Variants in LHFPL3 observed in about 807,000 individuals in gnomAD.
The protein encoded by LHFPL3 is LHFPL tetraspan subfamily member 3, also known as LHFPL tetraspan subfamily member 3 protein.
LHFPL3 carries 5 observed loss-of-function variants against 19.3 expected under a neutral mutation model. That is an observed-to-expected ratio of 0.26 (90% CI 0.14 to 0.54). The LOEUF is 0.54. Ranked by LOEUF, LHFPL3 falls within the 20% of genes least tolerant of loss-of-function variation. LHFPL3 has a pLI of 0.94. For missense variants in LHFPL3, 249 were observed against 307.4 expected (o/e 0.81, Z 1.42); for synonymous variants, 133 against 126.2 (o/e 1.05, Z -0.36).
intron 1 of LHFPL3, among the ~76,000 whole-genome samples, chr7:104,386,782 G>A (rs1790953265): frequency 6.6e-6 from 1 of 152,018 alleles, no homozygotes; most frequent in Non-Finnish European, 1.5e-5. Flanking sequence ...GATTTCCATG[G>A]GTGTAAATAA....
intron 1 of LHFPL3, among the ~76,000 whole-genome samples, chr7:104,418,742 G>A (rs1397829759): frequency 6.6e-6 from 1 of 152,190 alleles, no homozygotes; most frequent in Non-Finnish European, 1.5e-5. Context: ...AGCCTTCAAG[G>A]ATAGGTGTGA....
intron 2 of LHFPL3, among the ~76,000 whole-genome samples, chr7:104,852,309 G>C (rs1313607933): frequency 6.6e-6 from 1 of 152,248 alleles, no homozygotes; most frequent in Non-Finnish European, 1.5e-5. Flanking sequence ...CAAATGATTT[G>C]AATTTTAAAC....
At chr7:104,902,428 G>A (rs1792505747) in intron 2 of LHFPL3, among the ~76,000 whole-genome samples, 2 of 151,708 alleles carry the variant, frequency 1.3e-5, no homozygotes, top group African/African-American at 2.4e-5. Context: ...GGAGAAGGAG[G>A]AGGAGGAGGA....
At chr7:104,382,830 G>A (rs1790855502) in intron 1 of LHFPL3, among the ~76,000 whole-genome samples, 1 of 152,212 alleles carries the variant, frequency 6.6e-6, no homozygotes, top group African/African-American at 2.4e-5. Context: ...CAGGGCTCTG[G>A]CACTCACCTG....
chr7:104,836,861 T>A (rs1213403836), intron 2 of LHFPL3, among the ~76,000 whole-genome samples: 1 of 152,224 alleles, frequency 6.6e-6, no homozygotes, highest in Non-Finnish European at 1.5e-5. Context: ...GCTTGTAGGA[T>A]GTCAGTTTAT....
At chr7:104,484,056 A>G (rs1679795295) in intron 1 of LHFPL3, among the ~76,000 whole-genome samples, 1 of 152,198 alleles carries the variant, frequency 6.6e-6, no homozygotes, top group African/African-American at 2.4e-5. Context: ...CAATTATAAT[A>G]TTCCTGGGGA....
chr7:104,608,552 C>G (rs971485500), intron 1 of LHFPL3, among the ~76,000 whole-genome samples: 1 of 150,456 alleles, frequency 6.6e-6, no homozygotes, highest in South Asian at 2.1e-4. Context: ...TGCTAAATGA[C>G]GAGTTAATGG....
rs553097510 is a variant in LHFPL3, at chr7:104,890,894, C to G, written c.683-15293C>G. ...CTGATGAGAATAGACAGAACCACAG[C>G]ACCATGAAGCCCACCAGCAGCGCCC... On this transcript the variant is annotated intron_variant, in intron 2 of 2. Transcript: ENST00000424859. 2.0e-5 allele frequency among the ~76,000 whole-genome samples: 3 copies of G among 152,288 alleles called. No homozygotes were observed. The South Asian group carries it at 6.2e-4, about 32-fold the overall frequency.
chr7:104,510,068 G>A (rs369683808), intron 1 of LHFPL3, among the ~76,000 whole-genome samples: 2 of 151,832 alleles, frequency 1.3e-5, no homozygotes, highest in African/African-American at 4.8e-5. Flanking sequence ...ACCAAATAAT[G>A]CTGATGAGTG....
chr7:104,345,740 G>GT (rs1449150831), intron 1 of LHFPL3, among the ~76,000 whole-genome samples: 1 of 151,880 alleles, frequency 6.6e-6, no homozygotes, highest in Non-Finnish European at 1.5e-5. Flanking sequence ...GTTATGTGAT[G>GT]TAAACATAAT....
At chr7:104,855,354 A>T (rs1160990236) in intron 2 of LHFPL3, among the ~76,000 whole-genome samples, 4 of 152,176 alleles carry the variant, frequency 2.6e-5, no homozygotes, top group Non-Finnish European at 5.9e-5. Flanking sequence ...TTTTCCAGTG[A>T]TATACTTTTA....
At chr7:104,390,699 A>G (rs1298002433) in intron 1 of LHFPL3, among the ~76,000 whole-genome samples, 1 of 152,244 alleles carries the variant, frequency 6.6e-6, no homozygotes, top group Non-Finnish European at 1.5e-5. Flanking sequence ...GTATATACCC[A>G]GTAATGGGAT....
intron 2 of LHFPL3, among the ~76,000 whole-genome samples, chr7:104,774,349 C>A (rs1006008936): frequency 1.3e-5 from 2 of 152,200 alleles, no homozygotes; most frequent in Admixed American, 6.5e-5. Flanking sequence ...ATAACCCTAG[C>A]AATGACTTAG....
At chr7:104,748,488 G>A (rs1021046287) in intron 2 of LHFPL3, among the ~76,000 whole-genome samples, 1 of 123,084 alleles carries the variant, frequency 8.1e-6, no homozygotes. Context: ...ACTGAGATAG[G>A]GGAAAACCGC....
chr7:104,455,780 A>G (rs1792527025), intron 1 of LHFPL3, among the ~76,000 whole-genome samples: 1 of 152,222 alleles, frequency 6.6e-6, no homozygotes. Flanking sequence ...GCTCATGACA[A>G]TGACAAAGTA....
At chr7:104,759,668 C>T (rs1051917995) in intron 2 of LHFPL3, 3 of 152,054 alleles carry the variant, frequency 2.0e-5, no homozygotes, top group African/African-American at 4.8e-5. Context: ...TTATGAAAAC[C>T]CTCTTAATTT....
intron 1 of LHFPL3, among the ~76,000 whole-genome samples, chr7:104,487,805 G>T (rs1793266750): frequency 6.6e-6 from 1 of 152,092 alleles, no homozygotes; most frequent in Admixed American, 6.5e-5. Flanking sequence ...CTCCATATAT[G>T]ATGTTTGTTC....
At chr7:104,412,618 A>G (rs910184309) in intron 1 of LHFPL3, among the ~76,000 whole-genome samples, 4 of 152,056 alleles carry the variant, frequency 2.6e-5, no homozygotes, top group African/African-American at 9.7e-5. Context: ...GCAGCACACC[A>G]TGGTTTTTCT....
At chr7:104,853,599 AATTTG>A (rs1464220080) in intron 2 of LHFPL3, among the ~76,000 whole-genome samples, 1 of 152,188 alleles carries the variant, frequency 6.6e-6, no homozygotes, top group East Asian at 1.9e-4. Context: ...AATTAGTGCT[AATTTG>A]ATTTATTTTT....
Sources: gnomAD v4.1 joint callset for allele counts (sites outside exome capture counted in the v4.1 genomes callset) on GRCh38, gnomAD v4.1.1 for gene constraint, MANE v1.5 for transcripts, NCBI Gene and HGNC (gene_info 2026-07-23, HGNC 2026-07-21) for gene names.